IL18R1: variants seen among roughly 807,000 people sequenced by gnomAD.
IL18R1 encodes interleukin-18 receptor 1.
Under a neutral mutation model 48.5 loss-of-function variants are expected in IL18R1, and 40 were observed. The observed-to-expected ratio is 0.82, with a 90% CI of 0.64 to 1.07. The LOEUF (loss-of-function observed/expected upper bound fraction) is 1.07. Among genes scored for constraint, IL18R1 ranks in the 50% least tolerant of loss-of-function variants. IL18R1 has a pLI of 0.00. For synonymous variants in IL18R1, 232 were observed against 225.9 expected (o/e 1.03, Z -0.24); for missense variants, 596 against 633.7 (o/e 0.94, Z 0.64).
intron 4 of IL18R1, chr2:102,373,990 T>G (rs1335267006): frequency 2.3e-6 from 1 of 443,318 alleles, no homozygotes; most frequent in East Asian, 7.1e-5. Context: ...GATTCTACAT[T>G]ATGGTGAGTT....
intron 10 of IL18R1, among the ~76,000 whole-genome samples, chr2:102,396,323 T>C (rs866983236): frequency 6.6e-6 from 1 of 152,160 alleles, no homozygotes; most frequent in African/African-American, 2.4e-5. Flanking sequence ...GTATGGTACA[T>C]AATAAGTGCT....
At chr2:102,364,383 C>G (rs1263863212) in intron 2 of IL18R1, among the ~76,000 whole-genome samples, 1 of 152,174 alleles carries the variant, frequency 6.6e-6, no homozygotes, top group Admixed American at 6.5e-5. Context: ...AGCATGAATG[C>G]ATTTATAACA....
intron 1 of IL18R1, among the ~76,000 whole-genome samples, chr2:102,360,413 G>A (rs532503683): frequency 1.6e-4 from 25 of 152,210 alleles, no homozygotes; most frequent in African/African-American, 6.0e-4. Context: ...ACAGGTGCCT[G>A]CCAACGTGCC....
intron 5 of IL18R1, among the ~76,000 whole-genome samples, chr2:102,377,712 C>G (rs919717443): frequency 4.6e-5 from 7 of 152,138 alleles, no homozygotes; most frequent in Non-Finnish European, 1.0e-4. Context: ...AACACATTTG[C>G]TTCCCTCACC....
chr2:102,377,515 A>C (rs1276157398), intron 5 of IL18R1, among the ~76,000 whole-genome samples: 2 of 152,136 alleles, frequency 1.3e-5, no homozygotes, highest in Non-Finnish European at 2.9e-5. Flanking sequence ...ACGGGGTTTC[A>C]CCGTGTTAGC....
At chr2:102,388,892 A>C (rs1403096402) in intron 8 of IL18R1, among the ~76,000 whole-genome samples, 1 of 152,164 alleles carries the variant, frequency 6.6e-6, no homozygotes. Context: ...AAGATGGCAA[A>C]AGTTTTAAGC....
chr2:102,365,184 A>C (rs6727306), intron 2 of IL18R1, among the ~76,000 whole-genome samples: 117,818 of 152,120 alleles, frequency 0.77, 46,623 homozygotes, highest in African/African-American at 0.89. Context: ...TGAGACAAGG[A>C]AGGTCCCTTC....
Position 102,356,129 on chromosome 2 carries a change from A to C in IL18R1, c.-300A>C. On this transcript the variant is annotated 5_prime_UTR_variant, in exon 1 of 11. Transcript: ENST00000233957. ...CGGGCAGTGCCCACCTGCAGCCTCC[A>C]CCGGCCGGGGTTAGCAGCCAGGAGC... The C allele has an allele frequency of 1.9e-5, 3 of 154,604 alleles. No homozygotes were observed. The highest frequency in any genetic ancestry group is 4.2e-5 in the Non-Finnish European group (3 of 72,240). The allele number at this position is 154,604 out of a possible 1,614,324, so 9.6% of individuals were successfully genotyped here.
chr2:102,375,875 T>G, intron 4 of IL18R1, 32 bp from the exon 5 acceptor site: 2 of 1,458,704 alleles, frequency 1.4e-6, no homozygotes, highest in Non-Finnish European at 1.8e-6. Flanking sequence ...GGCTTTTACT[T>G]AAAGTATTTT....
chr2:102,372,071 G>A lies in IL18R1; in HGVS notation c.421G>A (p.Glu141Lys). The A allele has an allele frequency of 6.2e-7, 1 of 1,608,430 alleles. No homozygotes were observed. Among genetic ancestry groups the A allele is most frequent in the African/African-American group, 1.3e-5 (1 of 74,706 alleles). Residue 141 changes from glutamate (E) to lysine (K), a missense_variant, in exon 4 of 11, where the codon GAA becomes AAA. Glu to Lys is a moderately conservative substitution (Grantham distance 56, BLOSUM62 1). Transcript: ENST00000233957. ...EVKKFFQITC[E>K]NSYYQTLVNS... The stretch of plus-strand genomic sequence containing the variant: ...TAAAAAATTTTTTCAGATAACCTGT[G>A]AAAACAGTTACTATCAAACACTGGT...
At chr2:102,393,831 T>G (rs997663494) in intron 9 of IL18R1, among the ~76,000 whole-genome samples, 1 of 152,220 alleles carries the variant, frequency 6.6e-6, no homozygotes, top group African/African-American at 2.4e-5. Context: ...AGCATGTCCA[T>G]CGGGATCACT....
chr2:102,390,204 T>C lies in IL18R1; in HGVS notation c.1098T>C (p.Asp366=). ...TTTATAGACATTTAACGAGAAGAGA[T>C]GAAACATTAACAGGTAACACATATA... is the stretch of plus-strand genomic sequence containing the variant. ...VLFYRHLTRR[D]ETLTDGKTYD... Residue 366 remains aspartate (D), a synonymous_variant, in exon 9 of 11, where the codon GAT becomes GAC. Transcript: ENST00000233957. 1 of 1,613,936 alleles carries C rather than the reference T, an allele frequency of 6.2e-7. No individual in the cohort carries two copies. The highest frequency in any genetic ancestry group is 1.1e-5 in the South Asian group (1 of 91,072).
At chr2:102,365,759 T>C (rs924660878) in intron 2 of IL18R1, among the ~76,000 whole-genome samples, 1 of 152,186 alleles carries the variant, frequency 6.6e-6, no homozygotes, top group Admixed American at 6.5e-5. Flanking sequence ...TAGGCGTAGG[T>C]TCCCAAACCT....
At chr2:102,385,764 A>G (rs1335622833) in intron 7 of IL18R1, among the ~76,000 whole-genome samples, 1 of 152,164 alleles carries the variant, frequency 6.6e-6, no homozygotes, top group Non-Finnish European at 1.5e-5. Context: ...TGCCCACTAC[A>G]TGTTGAATTC....
intron 10 of IL18R1, among the ~76,000 whole-genome samples, chr2:102,396,011 G>T (rs912038401): frequency 2.0e-5 from 3 of 152,170 alleles, no homozygotes; most frequent in African/African-American, 7.2e-5. Context: ...CCAACCCCTG[G>T]TCTAAAATAA....
intron 6 of IL18R1, among the ~76,000 whole-genome samples, chr2:102,383,727 A>G (rs1349534258): frequency 1.3e-5 from 2 of 152,106 alleles, no homozygotes; most frequent in Non-Finnish European, 2.9e-5. Flanking sequence ...TATGGTCAGT[A>G]TGGTGTTTAG....
intron 2 of IL18R1, among the ~76,000 whole-genome samples, chr2:102,367,115 C>T (rs954414442): frequency 6.6e-6 from 1 of 152,112 alleles, no homozygotes. Context: ...AAGAGGGGAA[C>T]GAGCACCTAT....
chr2:102,373,841 C>T, intron 4 of IL18R1: 1 of 217,806 alleles, frequency 4.6e-6, no homozygotes, highest in Non-Finnish European at 9.8e-6. Flanking sequence ...GGAGTAAGAA[C>T]CCTATTGTGA....
chr2:102,379,326 C>T (rs1000374432), intron 5 of IL18R1, among the ~76,000 whole-genome samples: 2 of 151,870 alleles, frequency 1.3e-5, no homozygotes, highest in African/African-American at 2.4e-5. Flanking sequence ...CACCTGTAAT[C>T]CCAGCTACTT....
Sources: allele counts gnomAD v4.1 joint callset (sites outside exome capture counted in the v4.1 genomes callset), GRCh38; gene constraint gnomAD v4.1.1; transcripts MANE v1.5; gene names NCBI Gene and HGNC (gene_info 2026-07-23, HGNC 2026-07-21).